The following HTT variants were observed in gnomAD, a reference collection of about 807,000 sequenced individuals.
HTT encodes the protein huntington disease protein.
HTT carries 104 observed loss-of-function variants against 362.3 expected under a neutral mutation model. The ratio of observed to expected loss-of-function variants is 0.29; its 90% confidence interval spans 0.24 to 0.34. HTT has a LOEUF of 0.34. Among genes scored for constraint, HTT ranks in the 10% least tolerant of loss-of-function variants. HTT has a pLI of 1.00. For missense variants in HTT, 3,301 were observed against 3,928.6 expected, an observed-to-expected ratio of 0.84 and a Z score of 4.27; for synonymous variants, 1,577 against 1,548.7, an observed-to-expected ratio of 1.02 and a Z score of -0.43.
chr4:3,173,242 CT>C, intron 31 of HTT, 111 bp downstream of exon 31: 1 of 795,052 alleles, frequency 1.3e-6, no homozygotes, highest in Non-Finnish European at 2.1e-6. Flanking sequence ...TTCTAATAGT[CT>C]GCTGTATTCA....
Position 3,180,670 on chromosome 4 carries a change from G to A in HTT, c.4749+19G>A. 1 of 1,608,338 alleles carries A rather than the reference G, an allele frequency of 6.2e-7. No individual in the cohort carries two copies. Among genetic ancestry groups the A allele is most frequent in the Non-Finnish European group, 8.5e-7 (1 of 1,177,200 alleles). On this transcript the variant is annotated intron_variant, in intron 36 of 66. Coordinates refer to ENST00000355072, the MANE Select transcript of HTT (RefSeq NM_001388492.1). ...CCATCAGGTAAGAGGAATGTATGTT[G>A]GAACTGTCGTGGATACTTTATTGAC...
At chr4:3,155,823 G>A (rs574277740) in intron 27 of HTT, among the ~76,000 whole-genome samples, 3 of 150,248 alleles carry the variant, frequency 2.0e-5, no homozygotes, top group Admixed American at 6.6e-5. Flanking sequence ...GCTTGAATCT[G>A]GCAGGTGGAG....
In HTT at chr4:3,212,686, A is replaced by C. The variant is rs758159208; in HGVS notation, c.6751A>C (p.Lys2251Gln). ...LPPEKEKDIV[K>Q]FVVATLEALS... ...TCCTGAGAAAGAGAAGGACATTGTG[A>C]AATTCGTGGTGGCAACCCTTGAGGT... Residue 2251 changes from lysine (K) to glutamine (Q), a missense_variant, in exon 49 of 67, where the codon AAA (lysine) becomes CAA (glutamine). By Grantham distance (53) the Lys-to-Gln change is moderately conservative (BLOSUM62 1). Around this residue, in one of 4 missense-constraint regions of HTT, gnomAD observed 220 missense variants for 218.5 expected, o/e 1.01. Coordinates refer to ENST00000355072, the MANE Select transcript of HTT (RefSeq NM_001388492.1). 6.2e-7 allele frequency: 1 copy of C among 1,614,206 alleles called. No individual in the cohort carries two copies. The highest frequency in any genetic ancestry group is 2.2e-5 in the East Asian group (1 of 44,888).
chr4:3,079,000 C>A (rs1228346211), intron 1 of HTT, among the ~76,000 whole-genome samples: 2 of 152,108 alleles, frequency 1.3e-5, no homozygotes, highest in Non-Finnish European at 2.9e-5. Context: ...ATCCGCCCAC[C>A]TCGGCCTCCC....
rs1292521287 is a variant in HTT at position 3,075,220 on chromosome 4, C to G, written c.263+132C>G. On this transcript the variant is annotated intron_variant, in intron 1 of 66. Transcript: ENST00000355072. ...GCAGAGACAGAGTGACCCAGCAACC[C>G]AGAGCCCATGAGGGACACCCGCCCC... is the stretch of plus-strand genomic sequence containing the variant. 12 of 934,250 alleles carry G rather than the reference C, an allele frequency of 1.3e-5. No homozygotes were observed. The East Asian group carries it at 2.5e-4, about 20-fold the overall frequency. 57.9% of individuals were successfully genotyped at this position (934,250 alleles called of 1,614,324 possible).
At chr4:3,135,322 CAA>C (rs11311818) in intron 19 of HTT, among the ~76,000 whole-genome samples, 5 of 135,302 alleles carry the variant, frequency 3.7e-5, no homozygotes, top group African/African-American at 2.7e-5. Flanking sequence ...GACTTGGCCT[CAA>C]AAAAAAAAAA....
At chr4:3,128,045 G>A (rs1270029562) in intron 12 of HTT, among the ~76,000 whole-genome samples, 7 of 151,906 alleles carry the variant, frequency 4.6e-5, no homozygotes, top group Non-Finnish European at 1.0e-4. Context: ...CGATTCTCCC[G>A]CCTCAGCCTC....
At chr4:3,099,123 T>C in intron 2 of HTT, 151 bp from the exon 3 acceptor site, 2 of 577,788 alleles carry the variant, frequency 3.5e-6, no homozygotes, top group Non-Finnish European at 6.1e-6. Context: ...GCTATTAACT[T>C]AAGTCCAGAC....
At position 3,209,953 on chromosome 4, in the gene HTT, C is replaced by CG; in HGVS notation, c.6414+10dup. The CG allele has an allele frequency of 6.2e-7, 1 of 1,613,144 alleles. No individual in the cohort carries two copies. Among genetic ancestry groups the CG allele is most frequent in the Non-Finnish European group, 8.5e-7 (1 of 1,179,436 alleles). On this transcript the variant is annotated splice_donor_region_variant and intron_variant, in intron 47 of 66. Coordinates refer to ENST00000355072, the MANE Select transcript of HTT (RefSeq NM_001388492.1). ...GAATGCCTTCATGATGAACTCGGTA[C>CG]GGGGGGAGCAGTGGAGGCAAGGAAT...
intron 40 of HTT, among the ~76,000 whole-genome samples, chr4:3,198,509 G>A (rs1359837654): frequency 6.6e-6 from 1 of 152,184 alleles, no homozygotes; most frequent in Non-Finnish European, 1.5e-5. Context: ...ATAGGCGTGA[G>A]CCACCACACC....
chr4:3,152,101 A>AT (rs35557405), intron 26 of HTT, among the ~76,000 whole-genome samples: 49,727 of 139,448 alleles, frequency 0.36, 9,095 homozygotes, highest in East Asian at 0.53. Context: ...TAATTTTTTG[A>AT]TTTTTTTTTT....
intron 30 of HTT, 121 bp downstream of exon 30, chr4:3,172,518 G>A (rs1270222619): frequency 3.4e-5 from 26 of 773,210 alleles, no homozygotes; most frequent in South Asian, 9.8e-5. Flanking sequence ...GGGGTCCAGC[G>A]CAGCACTTTT....
intron 1 of HTT, among the ~76,000 whole-genome samples, chr4:3,079,544 G>T (rs1258920334): frequency 6.6e-6 from 1 of 152,134 alleles, no homozygotes; most frequent in East Asian, 1.9e-4. Context: ...GAATAGCAAG[G>T]ATGTCATTTT....
Position 3,125,605 on chromosome 4 carries a change from G to C in HTT, c.1378G>C (p.Asp460His). The C allele has an allele frequency of 5.6e-6, 9 of 1,613,638 alleles. No homozygotes were observed. The highest frequency in any genetic ancestry group is 7.6e-6 in the Non-Finnish European group (9 of 1,179,532). ...GGAGGATGACTCTGAATCGAGATCG[G>C]ATGTCAGCAGCTCTGCCTTAACAGG... ...ALEDDSESRSDVSSSALTASV... is the reference protein window; with the variant it reads ...ALEDDSESRSHVSSSALTASV... The change falls in exon 11 of 67, where the codon GAT becomes CAT. Residue 460 changes from aspartate (D) to histidine (H), a missense_variant. Physicochemically the swap from Asp to His is moderately conservative, Grantham distance 81. Coordinates refer to ENST00000355072, the MANE Select transcript of HTT (RefSeq NM_001388492.1).
intron 27 of HTT, 32 bp from the exon 28 acceptor site, chr4:3,157,040 A>G: frequency 1.3e-6 from 2 of 1,558,354 alleles, no homozygotes; most frequent in Non-Finnish European, 1.7e-6. Flanking sequence ...TTTTGATCTA[A>G]AAGTTTATCT....
intron 59 of HTT, among the ~76,000 whole-genome samples, chr4:3,229,288 T>G (rs1477762577): frequency 4.9e-5 from 3 of 61,054 alleles, no homozygotes; most frequent in African/African-American, 2.0e-4. Flanking sequence ...GCACACACAC[T>G]CCACATGCAT....
Position 3,215,225 on chromosome 4 carries a change from C to T in HTT, c.7054+14C>T. The T allele has an allele frequency of 6.3e-7, 1 of 1,595,074 alleles. No individual in the cohort carries two copies. The highest frequency in any genetic ancestry group is 8.6e-7 in the Non-Finnish European group (1 of 1,164,334). Reference sequence around the variant, plus strand: ...CAAACACACAGAGTAAGTCTCAGGACCCATTTTTTTCTTACATGTTGTTCC... The same window carrying T: ...CAAACACACAGAGTAAGTCTCAGGATCCATTTTTTTCTTACATGTTGTTCC... On this transcript the variant is annotated intron_variant, in intron 51 of 66. Transcript: ENST00000355072.
chr4:3,168,600 A>G (rs1019215917), intron 29 of HTT, among the ~76,000 whole-genome samples: 1 of 151,758 alleles, frequency 6.6e-6, no homozygotes, highest in Admixed American at 6.6e-5. Context: ...TATGCATTGG[A>G]TTTTTCTTTT....
chr4:3,098,158 T>C (rs1713959629), intron 2 of HTT, among the ~76,000 whole-genome samples: 1 of 152,262 alleles, frequency 6.6e-6, no homozygotes, highest in Non-Finnish European at 1.5e-5. Flanking sequence ...GTTTGAATGA[T>C]CTATCATTTC....
Sources: gnomAD v4.1 joint callset for allele counts (sites outside exome capture counted in the v4.1 genomes callset) on GRCh38, gnomAD v4.1.1 for gene constraint, gnomAD v4.1.1 regional missense constraint, MANE v1.5 for transcripts, NCBI Gene and HGNC (gene_info 2026-07-23, HGNC 2026-07-21) for gene names.